Variants in DNAJC19 observed in about 807,000 individuals in gnomAD.
The protein encoded by DNAJC19 is mitochondrial import inner membrane translocase subunit TIM14.
DNAJC19 carries 15 observed loss-of-function variants against 19.8 expected under a neutral mutation model. The ratio of observed to expected loss-of-function variants is 0.76; its 90% confidence interval spans 0.51 to 1.17. The LOEUF is 1.17. Among genes scored for constraint, DNAJC19 ranks in the 50% most tolerant of loss-of-function variants. DNAJC19 has a pLI of 0.00. For missense variants in DNAJC19, 105 were observed against 140.9 expected, an observed-to-expected ratio of 0.75 and a Z score of 1.29; for synonymous variants, 38 against 42.1, an observed-to-expected ratio of 0.90 and a Z score of 0.38.
chr3:180,989,534 G>C (rs761598764), intron 1 of DNAJC19, 66 bp downstream of exon 1: 6 of 1,556,388 alleles, frequency 3.9e-6, no homozygotes, highest in Non-Finnish European at 5.2e-6. Context: ...CCACACCTCC[G>C]AGGCGGGGAG....
At chr3:180,988,600 CA>C (rs1371262798) in intron 1 of DNAJC19, among the ~76,000 whole-genome samples, 2 of 151,990 alleles carry the variant, frequency 1.3e-5, no homozygotes, top group Non-Finnish European at 2.9e-5. Flanking sequence ...GGAAAGAGGG[CA>C]AGTTCGACTT....
intron 5 of DNAJC19, chr3:180,985,625 A>G (rs1195226550): frequency 3.0e-5 from 10 of 329,824 alleles, no homozygotes; most frequent in Non-Finnish European, 5.1e-5. Flanking sequence ...CAAGGTATCT[A>G]AAATGGATAA....
intron 1 of DNAJC19, 85 bp downstream of exon 1, chr3:180,989,515 A>G (rs1260615542): frequency 1.3e-6 from 2 of 1,551,670 alleles, no homozygotes; most frequent in Admixed American, 2.0e-5. Flanking sequence ...AAGGAGCACA[A>G]CTTCAACTCC....
rs1295476103 is a variant in DNAJC19, at chr3:180,983,838, CA to C, written c.*801del. ...GGTTTAAGCTTAATCATAACAATTG[CA>C]GAAGTTTGATTATGTCAAGAAATAG... is the stretch of plus-strand genomic sequence containing the variant. On this transcript the variant is annotated 3_prime_UTR_variant, in exon 6 of 6. Transcript: ENST00000382564. 1 of 453,912 alleles carries C rather than the reference CA, an allele frequency of 2.2e-6. No individual in the cohort carries two copies. 28.1% of individuals were successfully genotyped at this position (453,912 alleles called of 1,614,324 possible).
rs1437838200 is a variant in DNAJC19 at position 180,983,946 on chromosome 3, C to T, written c.*694G>A. 1 of 453,956 alleles carries T rather than the reference C, an allele frequency of 2.2e-6. No homozygotes were observed. The highest frequency in any genetic ancestry group is 1.6e-5 in the South Asian group (1 of 64,466). 28.1% of individuals were successfully genotyped at this position (453,956 alleles called of 1,614,324 possible). A position where few individuals can be genotyped will look rare whatever the true frequency, so the allele number is the denominator to read the frequency against. On this transcript the variant is annotated 3_prime_UTR_variant, in exon 6 of 6. Transcript: ENST00000382564. ...AATGTAAATACTCATGCCTGTAATC[C>T]CAGTACTTTGGGAGGCTGAGGCGGG...
At chr3:180,984,747 G>T in intron 5 of DNAJC19, 37 bp from the exon 6 acceptor site, 2 of 1,462,606 alleles carry the variant, frequency 1.4e-6, no homozygotes, top group South Asian at 1.2e-5. Flanking sequence ...TTACAATATG[G>T]ATTCTCAATT....
chr3:180,986,799 C>G (rs1285672958), intron 4 of DNAJC19, 144 bp downstream of exon 4: 2 of 715,086 alleles, frequency 2.8e-6, no homozygotes, highest in East Asian at 2.5e-5. Flanking sequence ...AGTACAGTTT[C>G]ATTGATTAGA....
Position 180,988,083 on chromosome 3 carries a change from C to G in DNAJC19, c.69G>C (p.Leu23Phe). The change falls in exon 3 of 6, where the codon TTG becomes TTC. Residue 23 changes from leucine (L) to phenylalanine (F), a missense_variant. Physicochemically the swap from Leu to Phe is conservative, Grantham distance 22. Coordinates refer to ENST00000382564, the MANE Select transcript of DNAJC19 (RefSeq NM_145261.4). ...GAGGCTCCATATGCTTCATGGCTTG[C>G]AAAACGTAACGGCCTAAAACCAAAA... ...AAAGFAGRYV[L>F]QAMKHMEPQV... 6.2e-7 allele frequency: 1 copy of G among 1,614,120 alleles called. No individual in the cohort carries two copies. The highest frequency in any genetic ancestry group is 8.5e-7 in the Non-Finnish European group (1 of 1,180,018).
chr3:180,987,131 A>G, intron 3 of DNAJC19, 109 bp from the exon 4 acceptor site: 2 of 952,008 alleles, frequency 2.1e-6, no homozygotes, highest in Non-Finnish European at 3.4e-6. Flanking sequence ...ATTTCAGAGG[A>G]CTTTTAGTGC....
At chr3:180,987,196 A>G in intron 3 of DNAJC19, 174 bp from the exon 4 acceptor site, 1 of 641,638 alleles carries the variant, frequency 1.6e-6, no homozygotes, top group Admixed American at 2.8e-5. Flanking sequence ...AAGTAGCAAC[A>G]AGTAGTATTT....
intron 4 of DNAJC19, among the ~76,000 whole-genome samples, chr3:180,986,344 T>C (rs1432915055): frequency 6.6e-6 from 1 of 151,870 alleles, no homozygotes; most frequent in Non-Finnish European, 1.5e-5. Context: ...TGCAGTGGCT[T>C]GATCTTGGTT....
chr3:180,989,737 G>A (rs186253120), upstream of DNAJC19: 5 of 1,439,610 alleles, frequency 3.5e-6, no homozygotes, highest in Admixed American at 2.0e-5. Context: ...TACGCAACAC[G>A]GCAGGAGCAG....
intron 5 of DNAJC19, among the ~76,000 whole-genome samples, chr3:180,985,217 T>A (rs948487791): frequency 7.9e-5 from 12 of 152,152 alleles, no homozygotes; most frequent in Non-Finnish European, 1.6e-4. Flanking sequence ...TACAGCTGCT[T>A]TCCTACGAAT....
At chr3:180,989,419 A>C in intron 1 of DNAJC19, 181 bp downstream of exon 1, 6 of 1,448,626 alleles carry the variant, frequency 4.1e-6, no homozygotes, top group Non-Finnish European at 5.4e-6. Flanking sequence ...GTAAAAACAC[A>C]AACCCCCAAG....
chr3:180,984,049 T>C lies in DNAJC19; in HGVS notation c.*591A>G, dbSNP rs903237371. ...GACCTGTACTCTGAAATCTTTATCA[T>C]ACTATTTTTAATGCATGAAATAAAA... On this transcript the variant is annotated 3_prime_UTR_variant, in exon 6 of 6. Coordinates refer to ENST00000382564, the MANE Select transcript of DNAJC19 (RefSeq NM_145261.4). 13 of 453,906 alleles carry C rather than the reference T, an allele frequency of 2.9e-5. No homozygotes were observed. Among genetic ancestry groups the C allele is most frequent in the Non-Finnish European group, 5.7e-5 (13 of 226,764 alleles). 28.1% of individuals were successfully genotyped at this position (453,906 alleles called of 1,614,324 possible).
At position 180,983,922 on chromosome 3, in the gene DNAJC19, A is replaced by G. The variant is rs753569599; in HGVS notation, c.*718T>C. The G allele has an allele frequency of 6.6e-6, 3 of 453,924 alleles. No individual in the cohort carries two copies. The highest frequency in any genetic ancestry group is 3.1e-5 in the South Asian group (2 of 64,478). 28.1% of individuals were successfully genotyped at this position (453,924 alleles called of 1,614,324 possible). A position where few individuals can be genotyped will look rare whatever the true frequency, so the allele number is the denominator to read the frequency against. On this transcript the variant is annotated 3_prime_UTR_variant, in exon 6 of 6. Transcript: ENST00000382564. ...ACCTTTAAGGGGCTAGCTGAATACA[A>G]TGTAAATACTCATGCCTGTAATCCC...
At position 180,983,723 on chromosome 3, in the gene DNAJC19, TC is replaced by T. The variant is rs1290431685; in HGVS notation, c.*916del. The T allele has an allele frequency of 4.7e-6, 2 of 426,106 alleles. No homozygotes were observed. 26.4% of individuals were successfully genotyped at this position (426,106 alleles called of 1,614,324 possible). A position where few individuals can be genotyped will look rare whatever the true frequency, so the allele number is the denominator to read the frequency against. ...ACAGTAAGTAATTTGCCTTTAAACA[TC>T]ATTTAAATTTATTAGTGTATAAATT... On this transcript the variant is annotated 3_prime_UTR_variant, in exon 6 of 6. Coordinates refer to ENST00000382564, the MANE Select transcript of DNAJC19 (RefSeq NM_145261.4).
At chr3:180,987,937 ACTT>A in intron 3 of DNAJC19, 83 bp downstream of exon 3, 1 of 1,500,700 alleles carries the variant, frequency 6.7e-7, no homozygotes, top group Non-Finnish European at 9.3e-7. Context: ...ATCACTTAGA[ACTT>A]CATGGATATT....
At chr3:180,985,757 T>C (rs534716633) in intron 5 of DNAJC19, 169 bp downstream of exon 5, 1 of 632,422 alleles carries the variant, frequency 1.6e-6, no homozygotes, top group East Asian at 2.8e-5. Context: ...AAGTAAAGTT[T>C]TCACTTAATT....
Sources: gnomAD v4.1 joint callset for allele counts (sites outside exome capture counted in the v4.1 genomes callset) on GRCh38, gnomAD v4.1.1 for gene constraint, MANE v1.5 for transcripts, NCBI Gene and HGNC (gene_info 2026-07-23, HGNC 2026-07-21) for gene names.